RAB5C: variants seen among roughly 807,000 people sequenced by gnomAD.
The protein encoded by RAB5C is RAB5C, member RAS oncogene family.
RAB5C carries 4 observed loss-of-function variants against 25.2 expected under a neutral mutation model. The observed-to-expected ratio is 0.16, with a 90% CI of 0.08 to 0.36. The LOEUF (loss-of-function observed/expected upper bound fraction) is 0.36, where lower values mean the gene tolerates loss of function less well. Among genes scored for constraint, RAB5C ranks in the 10% least tolerant of loss-of-function variants. The pLI, the probability that RAB5C is intolerant of heterozygous loss-of-function variation, is 1.00. For synonymous variants in RAB5C, 100 were observed against 106.4 expected (o/e 0.94, Z 0.37); for missense variants, 199 against 283.8 (o/e 0.70, Z 2.15).
chr17:42,146,153 G>A (rs1598256844), intron 1 of RAB5C, among the ~76,000 whole-genome samples: 2 of 151,920 alleles, frequency 1.3e-5, no homozygotes, highest in South Asian at 4.1e-4. Context: ...AACTGTCAAG[G>A]TCATCAAAAA....
rs763429369 is a variant in RAB5C at position 42,126,759 on chromosome 17, T to G, written c.531A>C (p.Ala177=). Residue 177 remains alanine, a synonymous_variant, in exon 5 of 6, where the codon GCA becomes GCC. Coordinates refer to ENST00000346213, the MANE Select transcript of RAB5C (RefSeq NM_004583.4). ...AGGGGAGGAGAAGCAACTGACCTAT[T>G]GCCATGAAGATTTCGTTCACGTTCA... ...TAMNVNEIFM[A]IAKKLPKNEP... 2 of 1,609,592 alleles carry G rather than the reference T, an allele frequency of 1.2e-6. No homozygotes were observed. Among genetic ancestry groups the G allele is most frequent in the Admixed American group, 1.7e-5 (1 of 59,956 alleles).
In RAB5C at chr17:42,152,341, C is replaced by T. The variant is rs115030559; in HGVS notation, c.-89+2552G>A. Among the ~76,000 whole-genome samples, 1,483 of 152,194 alleles carry T rather than the reference C, an allele frequency of 9.7e-3. 26 individuals are homozygous for T. The highest frequency in any genetic ancestry group is 0.034 in the African/African-American group (1,404 of 41,518). On this transcript the variant is annotated intron_variant, in intron 1 of 5. Transcript: ENST00000346213. ...CAGCATCAGAAAGGAGGGGTTCTGT[C>T]GCACACGGAGCCATCGCTCTCTCTG...
intron 1 of RAB5C, among the ~76,000 whole-genome samples, chr17:42,137,050 A>AC (rs1292054228): frequency 7.2e-4 from 110 of 152,286 alleles, no homozygotes; most frequent in Non-Finnish European, 1.5e-5. Context: ...TCATGCCTGT[A>AC]ATCCCAGCAC....
chr17:42,136,408 C>G (rs1376505941), intron 1 of RAB5C: 1 of 152,250 alleles, frequency 6.6e-6, no homozygotes, highest in African/African-American at 2.4e-5. Flanking sequence ...GCAACGCCAG[C>G]CACGATCCAC....
At chr17:42,140,503 ATATATATATATATTTTTTTTTT>A (rs1258372570) in intron 1 of RAB5C, among the ~76,000 whole-genome samples, 1,690 of 50,344 alleles carry the variant, frequency 0.034, 24 homozygotes, top group African/African-American at 0.14. Flanking sequence ...ATATATATAT[ATATATATATATATTTTTTTTTT>A]TTTTTTTTTT....
chr17:42,151,703 C>T (rs1568026714), intron 1 of RAB5C, among the ~76,000 whole-genome samples: 2 of 152,138 alleles, frequency 1.3e-5, no homozygotes, highest in Non-Finnish European at 2.9e-5. Context: ...GCCATTAGGA[C>T]TTTCAGGTTC....
chr17:42,128,656 G>T lies in RAB5C; in HGVS notation c.311C>A (p.Thr104Asn). ...AQAAIVVYDITNTDTFARAKN... is the reference protein window; with the variant it reads ...AQAAIVVYDINNTDTFARAKN... ...GCAAGGGGAAATCTTTACTGTGTTGGTGATGTCATAGACCACGATGGCAGC... is the reference window on the plus strand; with the variant it reads ...GCAAGGGGAAATCTTTACTGTGTTGTTGATGTCATAGACCACGATGGCAGC... The change falls in exon 3 of 6, where the codon ACC becomes AAC. Residue 104 changes from threonine (T) to asparagine (N), a missense_variant. Physicochemically the swap from Thr to Asn is moderately conservative, Grantham distance 65 (BLOSUM62 0). Coordinates refer to ENST00000346213, the MANE Select transcript of RAB5C (RefSeq NM_004583.4). 1 of 1,489,640 alleles carries T rather than the reference G, an allele frequency of 6.7e-7. No homozygotes were observed. Among genetic ancestry groups the T allele is most frequent in the Middle Eastern group, 1.8e-4 (1 of 5,514 alleles). The allele number at this position is 1,489,640 out of a possible 1,614,324, so 92.3% of individuals were successfully genotyped here.
intron 1 of RAB5C, among the ~76,000 whole-genome samples, chr17:42,136,944 C>A (rs550638243): frequency 4.6e-5 from 7 of 152,306 alleles, no homozygotes; most frequent in South Asian, 4.1e-4. Flanking sequence ...GGGACTGCGA[C>A]CTTCTATGCA....
chr17:42,130,112 A>C, intron 2 of RAB5C: 2 of 569,688 alleles, frequency 3.5e-6, no homozygotes, highest in Non-Finnish European at 3.0e-6. Flanking sequence ...CAGGATGGGA[A>C]GCTAGCTTTC....
intron 2 of RAB5C, among the ~76,000 whole-genome samples, chr17:42,129,927 C>T (rs567468293): frequency 6.6e-6 from 1 of 152,222 alleles, no homozygotes. Context: ...CACCTATCAC[C>T]CAGCTCCGAC....
chr17:42,148,250 AC>A (rs2079649008), intron 1 of RAB5C, among the ~76,000 whole-genome samples: 1 of 152,066 alleles, frequency 6.6e-6, no homozygotes, highest in South Asian at 2.1e-4. Flanking sequence ...TACTAAAAAT[AC>A]AAAACTAGAT....
chr17:42,134,055 C>T (rs1360159938), intron 1 of RAB5C, among the ~76,000 whole-genome samples: 1 of 152,098 alleles, frequency 6.6e-6, no homozygotes, highest in African/African-American at 2.4e-5. Flanking sequence ...GCAGTGGTGT[C>T]CAACCTTTGC....
chr17:42,126,976 G>A (rs866855979), intron 4 of RAB5C, 128 bp from the exon 5 acceptor site: 10 of 553,138 alleles, frequency 1.8e-5, no homozygotes, highest in Middle Eastern at 1.0e-3. Context: ...ACACACACAG[G>A]AGTTTTCAGG....
intron 1 of RAB5C, among the ~76,000 whole-genome samples, chr17:42,144,066 GCGA>G (rs2079617804): frequency 1.3e-5 from 2 of 152,026 alleles, no homozygotes; most frequent in African/African-American, 4.8e-5. Flanking sequence ...GAATACAAAC[GCGA>G]GCCACTGTGC....
chr17:42,151,054 A>T (rs1598260092), intron 1 of RAB5C, among the ~76,000 whole-genome samples: 1 of 152,152 alleles, frequency 6.6e-6, no homozygotes, highest in African/African-American at 2.4e-5. Flanking sequence ...TAAGTGGGGG[A>T]ATCAGGATGA....
At chr17:42,128,530 T>TGGGGGGGGGGGGGGGGGG in intron 3 of RAB5C, 119 bp downstream of exon 3, 2 of 730,796 alleles carry the variant, frequency 2.7e-6, no homozygotes, top group Non-Finnish European at 4.1e-6. Flanking sequence ...ACAGGAAATC[T>TGGGGGGGGGGGGGGGGGG]GCCCACCCCC....
At chr17:42,153,963 A>ATG (rs1056871230) in intron 1 of RAB5C, among the ~76,000 whole-genome samples, 2 of 152,168 alleles carry the variant, frequency 1.3e-5, no homozygotes, top group East Asian at 1.9e-4. Context: ...AGGGAGGTGT[A>ATG]TGTGTGTGTG....
At chr17:42,142,485 A>T (rs955259284) in intron 1 of RAB5C, among the ~76,000 whole-genome samples, 1 of 152,212 alleles carries the variant, frequency 6.6e-6, no homozygotes, top group African/African-American at 2.4e-5. Context: ...ACCAGGCTGC[A>T]AATGCTAGAG....
At chr17:42,130,074 G>C (rs2054468903) in intron 2 of RAB5C, 1 of 465,370 alleles carries the variant, frequency 2.1e-6, no homozygotes, top group African/African-American at 2.0e-5. Flanking sequence ...CCTCAGCCAA[G>C]GCCACACAGA....
Sources: gnomAD v4.1 joint callset for allele counts (sites outside exome capture counted in the v4.1 genomes callset) on GRCh38, gnomAD v4.1.1 for gene constraint, MANE v1.5 for transcripts, NCBI Gene and HGNC (gene_info 2026-07-23, HGNC 2026-07-21) for gene names.